Variants in PCDHGA1 observed in about 807,000 individuals in gnomAD.
The protein encoded by PCDHGA1 is protocadherin gamma-A1.
A neutral mutation model predicts 58.0 loss-of-function variants in PCDHGA1; 32 were observed. The observed-to-expected ratio is 0.55, with a 90% CI of 0.42 to 0.74. The LOEUF (loss-of-function observed/expected upper bound fraction) is 0.74, where lower values mean the gene tolerates loss of function less well. PCDHGA1 is among the 30% of genes least tolerant of loss of function. The probability of loss-of-function intolerance (pLI) is 0.00; values close to 1 mark genes in which losing one functional copy is unlikely to be tolerated. For missense variants in PCDHGA1, 1,205 were observed against 1,182.3 expected (o/e 1.02, Z -0.28); for synonymous variants, 498 against 501.1 (o/e 0.99, Z 0.08).
chr5:141,340,217 T>C (rs1277025889), intron 1 of PCDHGA1: 1 of 1,614,064 alleles, frequency 6.2e-7, no homozygotes, highest in African/African-American at 1.3e-5. Flanking sequence ...GGAACAGTTT[T>C]CCTTTTACAA....
rs930695301 is a variant in PCDHGA1, at chr5:141,472,874, T to C, written c.2422-21933T>C. On this transcript the variant is annotated intron_variant, in intron 1 of 3. Coordinates refer to ENST00000517417, the MANE Select transcript of PCDHGA1 (RefSeq NM_018912.3). ...GGTGGCACATGCCTGTATTCCCAGC[T>C]ACTCGGGAGGCTGAGGCAGGAGAAT... Among the ~76,000 whole-genome samples, 5 of 150,448 alleles carry C rather than the reference T, an allele frequency of 3.3e-5. No homozygotes were observed. In the Admixed American group the frequency reaches 3.3e-4, roughly 10 times the overall value.
intron 1 of PCDHGA1, chr5:141,383,758 A>G: frequency 6.2e-7 from 1 of 1,613,970 alleles, no homozygotes. Flanking sequence ...AATAACTCCT[A>G]AACTTCCAAA....
At chr5:141,466,094 C>T (rs1462266046) in intron 1 of PCDHGA1, among the ~76,000 whole-genome samples, 1 of 152,040 alleles carries the variant, frequency 6.6e-6, no homozygotes, top group Non-Finnish European at 1.5e-5. Flanking sequence ...TGCACTCCAG[C>T]CTGGGCAACA....
chr5:141,397,372 G>C (rs1014875277), intron 1 of PCDHGA1, among the ~76,000 whole-genome samples: 1 of 152,012 alleles, frequency 6.6e-6, no homozygotes, highest in Non-Finnish European at 1.5e-5. Context: ...AGATGTTTGG[G>C]GATTGGTATA....
intron 1 of PCDHGA1, among the ~76,000 whole-genome samples, chr5:141,406,188 T>C (rs1313997032): frequency 6.6e-6 from 1 of 151,612 alleles, no homozygotes; most frequent in African/African-American, 2.4e-5. Flanking sequence ...TCCTCCCACC[T>C]CAGCCTTCAC....
chr5:141,355,384 C>T (rs570057542), intron 1 of PCDHGA1: 1 of 1,614,008 alleles, frequency 6.2e-7, no homozygotes, highest in East Asian at 2.2e-5. Flanking sequence ...GCTGGCGGAG[C>T]GCGGAGTCCG....
intron 1 of PCDHGA1, among the ~76,000 whole-genome samples, chr5:141,381,826 C>CTTCTTTTTTT (rs1777532522): frequency 3.1e-4 from 23 of 74,294 alleles, no homozygotes; most frequent in African/African-American, 1.4e-3. Context: ...CTTTCTTCTT[C>CTTCTTTTTTT]TTTTTTTTTT....
At chr5:141,365,450 G>C (rs763661542) in intron 1 of PCDHGA1, 2 of 1,614,010 alleles carry the variant, frequency 1.2e-6, no homozygotes, top group South Asian at 2.2e-5. Flanking sequence ...CGTACATGAT[G>C]GTGATTCTGG....
At chr5:141,383,469 G>A (rs1779161077) in intron 1 of PCDHGA1, 1 of 1,613,786 alleles carries the variant, frequency 6.2e-7, no homozygotes, top group South Asian at 1.1e-5. Flanking sequence ...ATGAAACTAA[G>A]TACCCGGAAC....
At chr5:141,492,461 G>A (rs1218833302) in intron 1 of PCDHGA1, among the ~76,000 whole-genome samples, 1 of 152,212 alleles carries the variant, frequency 6.6e-6, no homozygotes, top group East Asian at 1.9e-4. Flanking sequence ...CGCGCCTGAG[G>A]GTCCCAGATC....
In PCDHGA1 at chr5:141,371,464, A is replaced by G. The variant is rs756446984; in HGVS notation, c.2421+38359A>G. The G allele has an allele frequency of 3.7e-6, 6 of 1,613,830 alleles. No individual in the cohort carries two copies. Among genetic ancestry groups the G allele is most frequent in the Non-Finnish European group, 5.1e-6 (6 of 1,179,870 alleles). ...CTGGCTTCTGAATCCCAACATATAC[A>G]AGAAGATGCTGAGCTGGGGACTGCC... is the stretch of plus-strand genomic sequence containing the variant. On this transcript the variant is annotated intron_variant, in intron 1 of 3. Coordinates refer to ENST00000517417, the MANE Select transcript of PCDHGA1 (RefSeq NM_018912.3).
At chr5:141,340,556 C>A in intron 1 of PCDHGA1, 2 of 1,614,228 alleles carry the variant, frequency 1.2e-6, no homozygotes, top group South Asian at 2.2e-5. Flanking sequence ...GCGAGACTTG[C>A]AAGTGTGGGT....
At chr5:141,370,168 C>A (rs890245618) in intron 1 of PCDHGA1, 2 of 458,196 alleles carry the variant, frequency 4.4e-6, no homozygotes, top group South Asian at 1.2e-4. Flanking sequence ...GCAGCAGAGG[C>A]GCCGGGTGCC....
In PCDHGA1 at chr5:141,431,019, C is replaced by A. The variant is rs1368671750; in HGVS notation, c.2422-63788C>A. 1 of 1,613,488 alleles carries A rather than the reference C, an allele frequency of 6.2e-7. No individual in the cohort carries two copies. The highest frequency in any genetic ancestry group is 1.7e-5 in the Admixed American group (1 of 59,968). ...CCGCGCAGCGGCAGCTTGGTCACGG[C>A]GGGCAGGATAGACCGGGAGGAGCTC... On this transcript the variant is annotated intron_variant, in intron 1 of 3. Transcript: ENST00000517417. The surrounding 1 kb of genome is among the most constrained non-coding windows in gnomAD (Gnocchi z 4.8).
chr5:141,356,859 G>A (rs1198453770), intron 1 of PCDHGA1: 1 of 1,614,038 alleles, frequency 6.2e-7, no homozygotes, highest in Non-Finnish European at 8.5e-7. Flanking sequence ...TCTTTGTGCT[G>A]GACCAGAACG....
chr5:141,351,433 A>G, intron 1 of PCDHGA1: 1 of 1,612,116 alleles, frequency 6.2e-7, no homozygotes, highest in Non-Finnish European at 8.5e-7. Context: ...TCAAATTAGA[A>G]TCCACCTCGA....
At chr5:141,383,034 G>A in intron 1 of PCDHGA1, 2 of 1,613,860 alleles carry the variant, frequency 1.2e-6, no homozygotes. Context: ...GGTCCTTTGT[G>A]GGAGACATCG....
intron 1 of PCDHGA1, chr5:141,340,663 C>T: frequency 3.7e-6 from 6 of 1,614,234 alleles, no homozygotes; most frequent in Non-Finnish European, 5.1e-6. Flanking sequence ...AGATCCTGTA[C>T]CCTGCCTTCC....
chr5:141,506,165 C>T (rs1359711670), intron 3 of PCDHGA1, among the ~76,000 whole-genome samples: 8 of 152,038 alleles, frequency 5.3e-5, no homozygotes, highest in South Asian at 2.1e-4. Context: ...AAGAGCACAG[C>T]CTAAGCTGGG....
Sources: allele counts gnomAD v4.1 joint callset (sites outside exome capture counted in the v4.1 genomes callset), GRCh38; gene constraint gnomAD v4.1.1; non-coding constraint Gnocchi (gnomAD v3.1); transcripts MANE v1.5; gene names NCBI Gene and HGNC (gene_info 2026-07-23, HGNC 2026-07-21).